The following CFAP221 variants were observed in gnomAD, a reference collection of about 807,000 sequenced individuals.
The protein encoded by CFAP221 is cilia- and flagella-associated protein 221.
In CFAP221, 97 loss-of-function variants were observed where a neutral mutation model predicts 113.1. The ratio of observed to expected loss-of-function variants is 0.86; its 90% CI spans 0.73 to 1.02. CFAP221 has a LOEUF of 1.02. CFAP221 is among the 50% of genes least tolerant of loss of function. The pLI, the probability that CFAP221 is intolerant of heterozygous loss-of-function variation, is 0.00. For synonymous variants in CFAP221, 331 were observed against 354.4 expected (o/e 0.93, Z 0.74); for missense variants, 1,025 against 1,013.4 (o/e 1.01, Z -0.16).
At chr2:119,548,733 A>C (rs929768467) in intron 2 of CFAP221, among the ~76,000 whole-genome samples, 1 of 152,226 alleles carries the variant, frequency 6.6e-6, no homozygotes, top group Non-Finnish European at 1.5e-5. Context: ...AAGTAATCTC[A>C]GTGCTAGGCA....
chr2:119,559,063 G>T (rs991975356), intron 3 of CFAP221, among the ~76,000 whole-genome samples: 5 of 152,148 alleles, frequency 3.3e-5, no homozygotes, highest in East Asian at 1.9e-4. Context: ...CAAAATTCTT[G>T]TGTCCCTTTC....
intron 3 of CFAP221, among the ~76,000 whole-genome samples, chr2:119,558,974 C>T (rs1681025652): frequency 6.6e-6 from 1 of 152,224 alleles, no homozygotes; most frequent in African/African-American, 2.4e-5. Flanking sequence ...GGGACAGACC[C>T]AGCGTCTGGC....
At chr2:119,585,581 T>A (rs1484487290) in intron 6 of CFAP221, among the ~76,000 whole-genome samples, 1 of 152,120 alleles carries the variant, frequency 6.6e-6, no homozygotes, top group Non-Finnish European at 1.5e-5. Flanking sequence ...GATAAAGGGG[T>A]CGTTATTTTA....
intron 6 of CFAP221, among the ~76,000 whole-genome samples, chr2:119,582,284 T>A (rs538448726): frequency 6.6e-6 from 1 of 152,232 alleles, no homozygotes; most frequent in Admixed American, 6.5e-5. Context: ...TTTTTAAAAG[T>A]CAGTACTTTT....
At chr2:119,656,274 G>A (rs376316898) in intron 23 of CFAP221, 88 bp from the exon 24 acceptor site, 37 of 997,068 alleles carry the variant, frequency 3.7e-5, no homozygotes, top group Non-Finnish European at 5.1e-5. Context: ...ATGCTCCTCC[G>A]ACCTTCACCA....
At chr2:119,559,552 G>A (rs1394377278) in intron 3 of CFAP221, 137 bp from the exon 4 acceptor site, 3 of 687,426 alleles carry the variant, frequency 4.4e-6, no homozygotes, top group Non-Finnish European at 7.4e-6. Flanking sequence ...GGTGTATGAT[G>A]TATTTCAAAT....
chr2:119,561,174 C>G (rs1270479065), intron 5 of CFAP221, among the ~76,000 whole-genome samples: 1 of 152,022 alleles, frequency 6.6e-6, no homozygotes. Context: ...CCTGTAGTCC[C>G]AGCTACTCGG....
At position 119,559,917 on chromosome 2, in the gene CFAP221, C is replaced by G; in HGVS notation, c.328-11C>G. The G allele has an allele frequency of 6.5e-7, 1 of 1,533,312 alleles. No individual in the cohort carries two copies. Among genetic ancestry groups the G allele is most frequent in the African/African-American group, 1.4e-5 (1 of 73,066 alleles). 95.0% of individuals were successfully genotyped at this position (1,533,312 alleles called of 1,614,324 possible). On this transcript the variant is annotated splice_polypyrimidine_tract_variant and intron_variant, in intron 4 of 23. Transcript: ENST00000413369. ...GGGGCTTGTCCCAACAAGATGCCACCTGTCTTCCAGGAACACCACCTGGTC... is the reference window on the plus strand; with the variant it reads ...GGGGCTTGTCCCAACAAGATGCCACGTGTCTTCCAGGAACACCACCTGGTC...
intron 13 of CFAP221, among the ~76,000 whole-genome samples, chr2:119,614,788 T>C (rs1685414041): frequency 6.6e-6 from 1 of 152,232 alleles, no homozygotes; most frequent in Admixed American, 6.5e-5. Context: ...GATAAAATTC[T>C]AATCTCCCAC....
At chr2:119,633,059 A>G (rs1558981901) in intron 19 of CFAP221, among the ~76,000 whole-genome samples, 1 of 152,120 alleles carries the variant, frequency 6.6e-6, no homozygotes, top group Non-Finnish European at 1.5e-5. Context: ...ATTCATTCAT[A>G]CATTATGGTC....
intron 6 of CFAP221, chr2:119,573,311 A>C (rs1682201172): frequency 6.6e-6 from 1 of 152,154 alleles, no homozygotes; most frequent in African/African-American, 2.4e-5. Context: ...GGAGAGAAAA[A>C]ATTCACTTTT....
chr2:119,614,338 G>T (rs1048267665), intron 13 of CFAP221, among the ~76,000 whole-genome samples: 1 of 152,084 alleles, frequency 6.6e-6, no homozygotes, highest in East Asian at 1.9e-4. Context: ...TATTTTTATA[G>T]TAGCACCCCA....
At chr2:119,593,615 G>A (rs1296603795) in intron 7 of CFAP221, among the ~76,000 whole-genome samples, 1 of 152,122 alleles carries the variant, frequency 6.6e-6, no homozygotes, top group East Asian at 1.9e-4. Flanking sequence ...CGAGGAGGGC[G>A]GATCACGAGG....
intron 6 of CFAP221, among the ~76,000 whole-genome samples, chr2:119,563,293 T>C (rs1681390589): frequency 6.6e-6 from 1 of 152,230 alleles, no homozygotes; most frequent in Admixed American, 6.5e-5. Flanking sequence ...CTGTATAGTT[T>C]AGGTAATAAT....
rs1684607254 is a variant in CFAP221, at chr2:119,604,742, C to A, written c.862C>A (p.His288Asn). 2 of 1,548,782 alleles carry A rather than the reference C, an allele frequency of 1.3e-6. No homozygotes were observed. The highest frequency in any genetic ancestry group is 1.7e-6 in the Non-Finnish European group (2 of 1,152,456). ...VNVPPEKAMM[H>N]INFHRPPAKP... Reference sequence around the variant, plus strand: ...CGTTCCTCCAGAAAAAGCAATGATGCATATAAATTTTCACCGACCGCCAGC... The same window carrying A: ...CGTTCCTCCAGAAAAAGCAATGATGAATATAAATTTTCACCGACCGCCAGC... Residue 288 changes from histidine to asparagine, a missense_variant, in exon 9 of 24, where the codon CAT becomes AAT. Coordinates refer to ENST00000413369, the MANE Select transcript of CFAP221 (RefSeq NM_001271049.2).
chr2:119,640,895 C>G (rs1424083837), intron 21 of CFAP221, among the ~76,000 whole-genome samples: 1 of 152,226 alleles, frequency 6.6e-6, no homozygotes, highest in Non-Finnish European at 1.5e-5. Context: ...TGGGCCCAGT[C>G]CTCTTGTCAG....
chr2:119,571,052 A>G (rs1574028251), intron 6 of CFAP221, among the ~76,000 whole-genome samples: 2 of 151,802 alleles, frequency 1.3e-5, no homozygotes, highest in East Asian at 3.9e-4. Flanking sequence ...CCTGGCCAAC[A>G]TGGTGAAATC....
chr2:119,578,688 G>A (rs1012386401), intron 6 of CFAP221, among the ~76,000 whole-genome samples: 8 of 151,992 alleles, frequency 5.3e-5, no homozygotes, highest in African/African-American at 1.9e-4. Flanking sequence ...ATAACTAATG[G>A]CTAATTTATT....
chr2:119,657,416 G>T (rs2104829365), downstream of CFAP221, among the ~76,000 whole-genome samples: 1 of 152,300 alleles, frequency 6.6e-6, no homozygotes, highest in African/African-American at 2.4e-5. Flanking sequence ...GAAATGTGCA[G>T]AGTATACCTG....
Sources: gnomAD v4.1 joint callset for allele counts (sites outside exome capture counted in the v4.1 genomes callset) on GRCh38, gnomAD v4.1.1 for gene constraint, MANE v1.5 for transcripts, NCBI Gene and HGNC (gene_info 2026-07-23, HGNC 2026-07-21) for gene names.